The following NTM variants were observed in gnomAD, a reference collection of about 807,000 sequenced individuals.
The protein encoded by NTM is IgLON family member 2.
NTM carries 13 observed loss-of-function variants against 42.1 expected under a neutral mutation model. The observed-to-expected ratio is 0.31, with a 90% CI of 0.20 to 0.49. The LOEUF is 0.49. Ranked by LOEUF, NTM falls within the 20% of genes least tolerant of loss-of-function variation. NTM has a pLI of 0.99. For synonymous variants in NTM, 187 were observed against 179.2 expected (o/e 1.04, Z -0.35); for missense variants, 373 against 452.8 (o/e 0.82, Z 1.60).
intron 1 of NTM, among the ~76,000 whole-genome samples, chr11:131,866,579 C>T (rs1165928210): frequency 1.3e-5 from 2 of 152,258 alleles, no homozygotes; most frequent in African/African-American, 4.8e-5. Flanking sequence ...GTCTCCCCCT[C>T]CCCTGCAAAT....
intron 1 of NTM, among the ~76,000 whole-genome samples, chr11:131,562,077 G>A (rs1290316507): frequency 6.6e-6 from 1 of 152,124 alleles, no homozygotes; most frequent in South Asian, 2.1e-4. Flanking sequence ...GCAATTCAAA[G>A]TGTTTTATAA....
chr11:131,711,132 G>C (rs1250223273), intron 1 of NTM, among the ~76,000 whole-genome samples: 2 of 152,100 alleles, frequency 1.3e-5, no homozygotes, highest in African/African-American at 4.8e-5. Flanking sequence ...TGACAAATGG[G>C]ATCTAATTAA....
intron 2 of NTM, among the ~76,000 whole-genome samples, chr11:132,048,117 T>C (rs567584300): frequency 1.3e-5 from 2 of 152,260 alleles, no homozygotes; most frequent in South Asian, 4.1e-4. Context: ...TCCTTTTTTA[T>C]GTGTCTTTTG....
At chr11:132,191,696 G>A (rs1462037820) in intron 3 of NTM, among the ~76,000 whole-genome samples, 1 of 152,132 alleles carries the variant, frequency 6.6e-6, no homozygotes, top group Non-Finnish European at 1.5e-5. Flanking sequence ...TGAAATGTCA[G>A]AAATAAAATT....
intron 1 of NTM, among the ~76,000 whole-genome samples, chr11:131,573,168 C>T (rs1285213121): frequency 1.3e-5 from 2 of 152,194 alleles, no homozygotes; most frequent in Non-Finnish European, 2.9e-5. Flanking sequence ...AAAGTCTGAC[C>T]TGCTGCCCGG....
rs572754664 is a variant in NTM, at chr11:131,729,153, T to A, written c.83-182411T>A. On this transcript the variant is annotated intron_variant, in intron 1 of 8. Transcript: ENST00000683400. ...TAACTTCTCTGTCCTGAGTTTTTTT[T>A]ATCTGCTCAAAGGGATTGCCAATGA... is the stretch of plus-strand genomic sequence containing the variant. 5.3e-4 allele frequency among the ~76,000 whole-genome samples: 80 copies of A among 152,354 alleles called. No individual in the cohort carries two copies. In the South Asian group the frequency reaches 9.7e-3, roughly 19 times the overall value.
chr11:131,789,471 A>AG lies in NTM; in HGVS notation c.83-122092dup, dbSNP rs1491528562. On this transcript the variant is annotated intron_variant, in intron 1 of 8. Coordinates refer to ENST00000683400, the MANE Select transcript of NTM (RefSeq NM_001352005.2). ...AAGAAGAAGAAGAAGAAGAAGAAGA[A>AG]GAAGAAGAAGAAGAAGAAGAGGAAA... Among the ~76,000 whole-genome samples the AG allele has an allele frequency of 2.1e-4, 3 of 13,956 alleles. 1 individual carries two copies. Among genetic ancestry groups the AG allele is most frequent in the Non-Finnish European group, 4.2e-4 (3 of 7,136 alleles). 9.2% of individuals were successfully genotyped at this position (13,956 alleles called of 152,430 possible). A position where few individuals can be genotyped will look rare whatever the true frequency, so the allele number is the denominator to read the frequency against.
At chr11:131,542,872 T>C (rs1292605916) in intron 1 of NTM, among the ~76,000 whole-genome samples, 2 of 152,186 alleles carry the variant, frequency 1.3e-5, no homozygotes, top group African/African-American at 4.8e-5. Context: ...ATTTCCCTGG[T>C]TGCTTAGGCT....
At chr11:131,947,463 T>C (rs1446174230) in intron 2 of NTM, among the ~76,000 whole-genome samples, 1 of 152,170 alleles carries the variant, frequency 6.6e-6, no homozygotes, top group Non-Finnish European at 1.5e-5. Context: ...CCTGTCTTTA[T>C]GAAATCCCAG....
intron 1 of NTM, among the ~76,000 whole-genome samples, chr11:131,730,491 G>A (rs1427042939): frequency 1.3e-5 from 2 of 152,064 alleles, no homozygotes; most frequent in Non-Finnish European, 2.9e-5. Context: ...AAGACAGGAG[G>A]ATAGGTTGAA....
chr11:131,386,881 A>G (rs915301157), intron 1 of NTM, among the ~76,000 whole-genome samples: 1 of 152,088 alleles, frequency 6.6e-6, no homozygotes, highest in Non-Finnish European at 1.5e-5. Flanking sequence ...TTCTGCTCCT[A>G]CCATTTAGGG....
At chr11:131,695,954 G>A (rs764737739) in intron 1 of NTM, among the ~76,000 whole-genome samples, 2 of 152,148 alleles carry the variant, frequency 1.3e-5, no homozygotes, top group Non-Finnish European at 1.5e-5. Flanking sequence ...TATGTGTGCC[G>A]CTCAAAGGAC....
intron 1 of NTM, among the ~76,000 whole-genome samples, chr11:131,460,518 C>G (rs182028553): frequency 1.6e-4 from 24 of 152,238 alleles, no homozygotes; most frequent in Admixed American, 4.6e-4. Context: ...ATACTATGCT[C>G]GATTCATCAC....
At chr11:132,106,713 A>G (rs2062418136) in intron 2 of NTM, among the ~76,000 whole-genome samples, 1 of 152,216 alleles carries the variant, frequency 6.6e-6, no homozygotes, top group African/African-American at 2.4e-5. Flanking sequence ...TTAAAATGTT[A>G]AAAGTCCAGG....
intron 2 of NTM, among the ~76,000 whole-genome samples, chr11:132,031,208 A>G (rs893675911): frequency 6.6e-6 from 1 of 152,204 alleles, no homozygotes; most frequent in African/African-American, 2.4e-5. Flanking sequence ...CAAACCAGAA[A>G]GAGTGTGGTT....
intron 1 of NTM, among the ~76,000 whole-genome samples, chr11:131,562,226 C>G (rs556640982): frequency 6.6e-6 from 1 of 151,946 alleles, no homozygotes; most frequent in Non-Finnish European, 1.5e-5. Flanking sequence ...ATTTCTCATC[C>G]GCAGTGGGGG....
rs551517591 is a variant in NTM at position 132,310,049 on chromosome 11, T to C, written c.662-63T>C. 3.7e-5 allele frequency: 53 copies of C among 1,446,074 alleles called. No individual in the cohort carries two copies. The East Asian group carries it at 1.2e-3, about 34-fold the overall frequency. The allele number at this position is 1,446,074 out of a possible 1,614,324, so 89.6% of individuals were successfully genotyped here. A position where few individuals can be genotyped will look rare whatever the true frequency, so the allele number is the denominator to read the frequency against. On this transcript the variant is annotated intron_variant, in intron 5 of 8. Coordinates refer to ENST00000683400, the MANE Select transcript of NTM (RefSeq NM_001352005.2). ...CCAGCCTGAGCCACAAGAGCAAGAC[T>C]CCATCTCAAAAAAAAAAAAAAAAAA... is the stretch of plus-strand genomic sequence containing the variant.
At chr11:131,448,122 G>C (rs1170288841) in intron 1 of NTM, among the ~76,000 whole-genome samples, 1 of 152,210 alleles carries the variant, frequency 6.6e-6, no homozygotes, top group Non-Finnish European at 1.5e-5. Context: ...GGTAGCCCCG[G>C]GTGAGTGCCC....
At chr11:131,780,692 G>T (rs1478705424) in intron 1 of NTM, among the ~76,000 whole-genome samples, 2 of 152,000 alleles carry the variant, frequency 1.3e-5, no homozygotes, top group South Asian at 2.1e-4. Context: ...CTTATTAAAA[G>T]AATATTTATG....
Sources: allele counts gnomAD v4.1 joint callset (sites outside exome capture counted in the v4.1 genomes callset), GRCh38; gene constraint gnomAD v4.1.1; transcripts MANE v1.5; gene names NCBI Gene and HGNC (gene_info 2026-07-23, HGNC 2026-07-21).